Variants in THSD7B observed in about 807,000 individuals in gnomAD.
THSD7B encodes the protein thrombospondin type 1 domain containing 7B.
THSD7B carries 138 observed loss-of-function variants against 213.6 expected under a neutral mutation model. That is an observed-to-expected ratio of 0.65 (90% CI 0.56 to 0.74). The LOEUF is 0.74. THSD7B is among the 30% of genes least tolerant of loss of function. THSD7B has a pLI of 0.00. For synonymous variants in THSD7B, 742 were observed against 687.0 expected (o/e 1.08, Z -1.25); for missense variants, 1,931 against 1,991.5 (o/e 0.97, Z 0.58).
intron 14 of THSD7B, among the ~76,000 whole-genome samples, chr2:137,442,377 G>T (rs1687433017): frequency 6.6e-6 from 1 of 151,980 alleles, no homozygotes; most frequent in South Asian, 2.1e-4. Context: ...TTCTGAAGAT[G>T]CTTTGTTGTG....
rs1308965494 is a variant in THSD7B at position 137,048,049 on chromosome 2, C to T, written c.140-8371C>T. 2.0e-5 allele frequency among the ~76,000 whole-genome samples: 3 copies of T among 152,146 alleles called. No homozygotes were observed. In the East Asian group the frequency reaches 5.8e-4, roughly 29 times the overall value. ...CATTAGGTATTTCTCCTAATGCTAT[C>T]CCTCCCCTTGCCCCCCACCCCCCAA... is the stretch of plus-strand genomic sequence containing the variant. On this transcript the variant is annotated intron_variant, in intron 2 of 27. Transcript: ENST00000409968.
At chr2:137,293,269 G>A (rs1274244773) in intron 12 of THSD7B, among the ~76,000 whole-genome samples, 1 of 151,894 alleles carries the variant, frequency 6.6e-6, no homozygotes, top group Admixed American at 6.6e-5. Context: ...CTCCCAAGTA[G>A]CTGGGATGAC....
At chr2:137,047,124 T>A (rs1287353416) in intron 2 of THSD7B, among the ~76,000 whole-genome samples, 1 of 152,070 alleles carries the variant, frequency 6.6e-6, no homozygotes, top group African/African-American at 2.4e-5. Context: ...CAGCAGTGGA[T>A]TCTTGAAGGC....
intron 2 of THSD7B, among the ~76,000 whole-genome samples, chr2:136,987,776 C>T (rs1421640875): frequency 6.6e-6 from 1 of 152,150 alleles, no homozygotes; most frequent in Non-Finnish European, 1.5e-5. Context: ...CACCTACTCA[C>T]TTTCCATTTG....
chr2:137,160,093 T>C lies in THSD7B; in HGVS notation c.1370-120T>C, dbSNP rs1679986041. On this transcript the variant is annotated intron_variant, in intron 5 of 27. Transcript: ENST00000409968. The stretch of plus-strand genomic sequence containing the variant: ...TATTAGAAAGTGTTGATGTTTTCTT[T>C]GCATATGTTCTTTTTAACTATAATG... 3.5e-6 allele frequency: 4 copies of C among 1,154,150 alleles called. No individual in the cohort carries two copies. In the South Asian group the frequency reaches 5.9e-5, roughly 17 times the overall value. The allele number at this position is 1,154,150 out of a possible 1,614,324, so 71.5% of individuals were successfully genotyped here.
At chr2:137,401,718 G>A (rs1035877064) in intron 12 of THSD7B, among the ~76,000 whole-genome samples, 1 of 150,636 alleles carries the variant, frequency 6.6e-6, no homozygotes, top group African/African-American at 2.5e-5. Context: ...GTGGTCTTCA[G>A]GCTAATGTGG....
intron 13 of THSD7B, among the ~76,000 whole-genome samples, 157 bp downstream of exon 13, chr2:137,405,964 A>C (rs1286400124): frequency 6.6e-6 from 1 of 152,232 alleles, no homozygotes; most frequent in East Asian, 1.9e-4. Context: ...AATGCCTGGT[A>C]CGTAACAAGT....
At position 137,082,349 on chromosome 2, in the gene THSD7B, A is replaced by G. The variant is rs933942907; in HGVS notation, c.951-12524A>G. ...CTGTCTCTAGTAATGGAGAATGCAA[A>G]GGTAATGTGTGGTTTGGTTTGCTCT... On this transcript the variant is annotated intron_variant, in intron 3 of 27. Transcript: ENST00000409968. 5.9e-5 allele frequency among the ~76,000 whole-genome samples: 9 copies of G among 152,148 alleles called. No homozygotes were observed. The South Asian group carries it at 1.5e-3, about 25-fold the overall frequency.
At chr2:137,162,314 T>A (rs1004467709) in intron 6 of THSD7B, among the ~76,000 whole-genome samples, 1 of 152,342 alleles carries the variant, frequency 6.6e-6, no homozygotes, top group South Asian at 2.1e-4. Context: ...AAGAAATGTC[T>A]TTTCCATTGG....
intron 20 of THSD7B, 95 bp from the exon 21 acceptor site, chr2:137,642,393 A>G: frequency 6.9e-7 from 1 of 1,439,686 alleles, no homozygotes; most frequent in Non-Finnish European, 9.4e-7. Context: ...AGTCTATTAA[A>G]ATGAAGACTT....
At chr2:137,053,361 T>A (rs1379189592) in intron 2 of THSD7B, among the ~76,000 whole-genome samples, 1 of 152,180 alleles carries the variant, frequency 6.6e-6, no homozygotes, top group Non-Finnish European at 1.5e-5. Context: ...TTAATAGTTA[T>A]ACTTTTTTTC....
At chr2:137,208,554 C>T (rs1455958780) in intron 7 of THSD7B, among the ~76,000 whole-genome samples, 1 of 152,010 alleles carries the variant, frequency 6.6e-6, no homozygotes, top group Non-Finnish European at 1.5e-5. Context: ...AACTTAACCA[C>T]CCAGCACTGA....
At position 136,967,224 on chromosome 2, in the gene THSD7B, G is replaced by A. The variant is rs567256734; in HGVS notation, c.139+84907G>A. Among the ~76,000 whole-genome samples, 4 of 152,160 alleles carry A rather than the reference G, an allele frequency of 2.6e-5. No homozygotes were observed. In the South Asian group the frequency reaches 8.3e-4, roughly 32 times the overall value. On this transcript the variant is annotated intron_variant, in intron 2 of 27. Coordinates refer to ENST00000409968, the MANE Select transcript of THSD7B (RefSeq NM_001316349.2). ...AAGTAGTCCTTCAAAGTCCTTCAAAGAAAGGAAATACTGAAGGACTGTTTC... is the reference window on the plus strand; with the variant it reads ...AAGTAGTCCTTCAAAGTCCTTCAAAAAAAGGAAATACTGAAGGACTGTTTC...
intron 12 of THSD7B, among the ~76,000 whole-genome samples, chr2:137,387,863 T>C (rs900450672): frequency 6.6e-6 from 1 of 152,192 alleles, no homozygotes; most frequent in African/African-American, 2.4e-5. Context: ...TTCCCATTGG[T>C]TATCACCATT....
chr2:137,115,071 T>A, intron 4 of THSD7B, 53 bp from the exon 5 acceptor site: 1 of 1,603,884 alleles, frequency 6.2e-7, no homozygotes, highest in Non-Finnish European at 8.5e-7. Context: ...TTCCTCAGAG[T>A]TGTATATTTT....
At position 137,187,098 on chromosome 2, in the gene THSD7B, G is replaced by C. The variant is rs73960919; in HGVS notation, c.1723+16160G>C. Among the ~76,000 whole-genome samples, 863 of 152,216 alleles carry C rather than the reference G, an allele frequency of 5.7e-3. 9 individuals carry two copies. Among genetic ancestry groups the C allele is most frequent in the African/African-American group, 0.02 (830 of 41,534 alleles). On this transcript the variant is annotated intron_variant, in intron 7 of 27. Transcript: ENST00000409968. ...AAGAAAGTATAGATATGCTTTCCTA[G>C]GTGATCTTTCCATTCTTTCACTAGG...
At chr2:137,048,635 C>T (rs768584596) in intron 2 of THSD7B, among the ~76,000 whole-genome samples, 29 of 152,130 alleles carry the variant, frequency 1.9e-4, no homozygotes, top group Non-Finnish European at 1.9e-4. Flanking sequence ...TTTTGTTTTA[C>T]GTATTTTTAA....
intron 27 of THSD7B, among the ~76,000 whole-genome samples, chr2:137,671,302 G>T (rs1485018658): frequency 6.8e-6 from 1 of 147,644 alleles, no homozygotes; most frequent in Non-Finnish European, 1.5e-5. Flanking sequence ...TTATGTAAAA[G>T]ATTTTATAGT....
At chr2:137,072,053 C>A (rs1269797799) in intron 3 of THSD7B, among the ~76,000 whole-genome samples, 5 of 152,208 alleles carry the variant, frequency 3.3e-5, no homozygotes, top group Non-Finnish European at 5.9e-5. Flanking sequence ...ATGCCTCCAG[C>A]TTCGTTCTTT....
Sources: gnomAD v4.1 joint callset for allele counts (sites outside exome capture counted in the v4.1 genomes callset) on GRCh38, gnomAD v4.1.1 for gene constraint, MANE v1.5 for transcripts, NCBI Gene and HGNC (gene_info 2026-07-23, HGNC 2026-07-21) for gene names.